STARD13: variants seen among roughly 807,000 people sequenced by gnomAD.
STARD13 encodes stAR-related lipid transfer protein 13.
STARD13 carries 62 observed loss-of-function variants against 106.4 expected under a neutral mutation model. The ratio of observed to expected loss-of-function variants is 0.58; its 90% CI spans 0.48 to 0.72. The LOEUF is 0.72. STARD13 is among the 30% of genes least tolerant of loss of function. The pLI is 0.00. For synonymous variants in STARD13, 565 were observed against 553.0 expected, an observed-to-expected ratio of 1.02 and a Z score of -0.31; for missense variants, 1,387 against 1,424.0, an observed-to-expected ratio of 0.97 and a Z score of 0.42.
intron 1 of STARD13, among the ~76,000 whole-genome samples, chr13:33,316,839 C>T (rs1893360347): frequency 6.6e-6 from 1 of 152,212 alleles, no homozygotes; most frequent in South Asian, 2.1e-4. Flanking sequence ...GTCCCCACCA[C>T]TCCTGTGCAA....
At chr13:33,458,365 C>T in the STARD13 span, among the ~76,000 whole-genome samples, 7 of 151,288 alleles carry the variant, frequency 4.6e-5, no homozygotes, top group South Asian at 2.1e-4. Flanking sequence ...CTCTGCCTCC[C>T]GGGTTCATGC....
chr13:33,667,928 C>T, the STARD13 span, among the ~76,000 whole-genome samples: 1 of 152,252 alleles, frequency 6.6e-6, no homozygotes, highest in Non-Finnish European at 1.5e-5. Context: ...ACACTTGTGC[C>T]TGTCACTGAG....
At chr13:33,529,580 T>C in the STARD13 span, among the ~76,000 whole-genome samples, 1 of 152,100 alleles carries the variant, frequency 6.6e-6, no homozygotes, top group African/African-American at 2.4e-5. Flanking sequence ...CATATTTTCC[T>C]CAAGACCTCT....
Position 33,247,959 on chromosome 13 carries a change from T to C in STARD13, c.169+37511A>G, listed in dbSNP as rs956874510. 2.0e-5 allele frequency among the ~76,000 whole-genome samples: 3 copies of C among 152,210 alleles called. No homozygotes were observed. In the East Asian group the frequency reaches 5.8e-4, roughly 29 times the overall value. On this transcript the variant is annotated intron_variant, in intron 1 of 13. Transcript: ENST00000336934. ...CACAAAGGGCTTTTCATGTGGGTGA[T>C]TTACCTCATCTTCTGGGGGGTCCTT...
intron 7 of STARD13, among the ~76,000 whole-genome samples, chr13:33,124,262 G>A (rs1003652845): frequency 2.0e-5 from 3 of 152,192 alleles, no homozygotes; most frequent in East Asian, 1.9e-4. Context: ...ACAAGGAAAG[G>A]GAGGGACATT....
chr13:33,222,122 C>T (rs1888392346), intron 1 of STARD13, among the ~76,000 whole-genome samples: 1 of 152,064 alleles, frequency 6.6e-6, no homozygotes, highest in Non-Finnish European at 1.5e-5. Context: ...GCACTCCAGC[C>T]TGGCAACAGA....
At chr13:33,230,572 C>CT (rs978776808) in intron 1 of STARD13, among the ~76,000 whole-genome samples, 1 of 152,232 alleles carries the variant, frequency 6.6e-6, no homozygotes, top group Non-Finnish European at 1.5e-5. Flanking sequence ...GCTATATCCA[C>CT]TTTTTTTCAT....
chr13:33,660,729 G>A, the STARD13 span, among the ~76,000 whole-genome samples: 2 of 152,180 alleles, frequency 1.3e-5, no homozygotes, highest in African/African-American at 2.4e-5. Context: ...AAATAGAGGT[G>A]AGAGCCACCA....
At chr13:33,534,291 T>C in the STARD13 span, among the ~76,000 whole-genome samples, 153 of 152,344 alleles carry the variant, frequency 1.0e-3, no homozygotes, top group African/African-American at 3.5e-3. Context: ...TAGAGTATCT[T>C]CTTTGGAATG....
At chr13:33,410,208 G>T in the STARD13 span, among the ~76,000 whole-genome samples, 3 of 152,290 alleles carry the variant, frequency 2.0e-5, 1 homozygote, top group Admixed American at 2.0e-4. Context: ...GACTAGGTTA[G>T]GTCATTGTCA....
At chr13:33,500,768 A>G in the STARD13 span, among the ~76,000 whole-genome samples, 1 of 152,152 alleles carries the variant, frequency 6.6e-6, no homozygotes, top group African/African-American at 2.4e-5. Context: ...GAATTCTATC[A>G]TGAGGGCAGC....
chr13:33,512,397 G>A, the STARD13 span, among the ~76,000 whole-genome samples: 9 of 152,258 alleles, frequency 5.9e-5, no homozygotes, highest in Non-Finnish European at 8.8e-5. Flanking sequence ...TCAAGATTAA[G>A]AGTCTTAGAG....
the STARD13 span, among the ~76,000 whole-genome samples, chr13:33,473,225 A>G: frequency 6.6e-6 from 1 of 152,326 alleles, no homozygotes; most frequent in Non-Finnish European, 1.5e-5. Context: ...GAAAATAAGA[A>G]GCACTATCAT....
At chr13:33,212,876 C>A (rs9591595) in intron 1 of STARD13, among the ~76,000 whole-genome samples, 1,759 of 152,240 alleles carry the variant, frequency 0.012, 23 homozygotes, top group African/African-American at 0.035. Context: ...TATAAAATGA[C>A]ACATTTTCAC....
chr13:33,210,571 T>C (rs1160740267), intron 1 of STARD13, among the ~76,000 whole-genome samples: 1 of 152,234 alleles, frequency 6.6e-6, no homozygotes, highest in Non-Finnish European at 1.5e-5. Context: ...ATTCAATACA[T>C]GCTATCATTC....
At chr13:33,620,968 A>C in the STARD13 span, among the ~76,000 whole-genome samples, 1 of 151,890 alleles carries the variant, frequency 6.6e-6, no homozygotes, top group Non-Finnish European at 1.5e-5. Context: ...AGTATGCTAA[A>C]ATTTGTGAGA....
chr13:33,318,540 C>A (rs1296901465), intron 1 of STARD13, among the ~76,000 whole-genome samples: 5 of 151,588 alleles, frequency 3.3e-5, no homozygotes, highest in Non-Finnish European at 7.4e-5. Flanking sequence ...ACATGTAAAG[C>A]AATAAGCAAT....
intron 1 of STARD13, among the ~76,000 whole-genome samples, chr13:33,314,402 T>C (rs1261373388): frequency 6.6e-6 from 1 of 152,076 alleles, no homozygotes; most frequent in Non-Finnish European, 1.5e-5. Flanking sequence ...GCCACGGTGG[T>C]AGGAATGTCA....
chr13:33,387,167 A>T, the STARD13 span, among the ~76,000 whole-genome samples: 29 of 152,206 alleles, frequency 1.9e-4, no homozygotes, highest in Non-Finnish European at 3.4e-4. Context: ...CACTATGCCT[A>T]GCTAATTTAT....
Sources: allele counts gnomAD v4.1 joint callset (sites outside exome capture counted in the v4.1 genomes callset), GRCh38; gene constraint gnomAD v4.1.1; transcripts MANE v1.5; gene names NCBI Gene and HGNC (gene_info 2026-07-23, HGNC 2026-07-21).